Variants in LARP4B observed in about 807,000 individuals in gnomAD.
LARP4B encodes the protein la-related protein 4B.
Under a neutral mutation model 89.8 loss-of-function variants are expected in LARP4B, and 12 were observed. That is an observed-to-expected ratio of 0.13 (90% CI 0.09 to 0.22). LARP4B has a LOEUF of 0.22. Among genes scored for constraint, LARP4B ranks in the 10% least tolerant of loss-of-function variants. The probability of loss-of-function intolerance (pLI) is 1.00; values close to 1 mark genes in which losing one functional copy is unlikely to be tolerated. For synonymous variants in LARP4B, 367 were observed against 363.3 expected, an observed-to-expected ratio of 1.01 and a Z score of -0.12; for missense variants, 757 against 947.7, an observed-to-expected ratio of 0.80 and a Z score of 2.64.
At chr10:918,922 T>A (rs1233308893) in intron 1 of LARP4B, among the ~76,000 whole-genome samples, 1 of 150,234 alleles carries the variant, frequency 6.7e-6, no homozygotes, top group Non-Finnish European at 1.5e-5. Flanking sequence ...TAAAAAAAAA[T>A]ACAAAAAAAT....
intron 1 of LARP4B, among the ~76,000 whole-genome samples, chr10:905,955 G>A (rs1836480411): frequency 6.6e-6 from 1 of 152,234 alleles, no homozygotes; most frequent in Admixed American, 6.5e-5. Flanking sequence ...TCTTGGGAAT[G>A]CTCTTCTGCA....
chr10:935,408 A>G (rs1217972845), upstream of LARP4B, among the ~76,000 whole-genome samples: 1 of 152,044 alleles, frequency 6.6e-6, no homozygotes. Context: ...CTTCTGGCGG[A>G]ATCTCGCTTA....
intron 8 of LARP4B, among the ~76,000 whole-genome samples, chr10:834,805 T>C (rs895529553): frequency 1.3e-5 from 2 of 152,164 alleles, no homozygotes; most frequent in Non-Finnish European, 2.9e-5. Context: ...AGGATCTATG[T>C]TTTAAATATT....
At chr10:967,087 G>A in the LARP4B span, among the ~76,000 whole-genome samples, 1 of 152,200 alleles carries the variant, frequency 6.6e-6, no homozygotes, top group Non-Finnish European at 1.5e-5. Flanking sequence ...CGGGATCACG[G>A]AACAATGTGG....
chr10:986,872 G>C, the LARP4B span: 1 of 151,846 alleles, frequency 6.6e-6, no homozygotes, highest in African/African-American at 2.4e-5. Context: ...CCCTGGAGGC[G>C]GAGGTTGCAG....
At chr10:862,119 G>A (rs190878582) in intron 5 of LARP4B, among the ~76,000 whole-genome samples, 89 of 152,054 alleles carry the variant, frequency 5.9e-4, no homozygotes, top group South Asian at 1.2e-3. Context: ...TCATGTAGAC[G>A]GGAAATTCAC....
At chr10:829,616 TCTATTAGAA>T in intron 10 of LARP4B, 22 bp from the exon 11 acceptor site, 1 of 1,612,100 alleles carries the variant, frequency 6.2e-7, no homozygotes, top group Non-Finnish European at 8.5e-7. Flanking sequence ...TATGTAAGTT[TCTATTAGAA>T]TACTTAAGAA....
At chr10:876,987 C>A (rs1375921134) in intron 3 of LARP4B, among the ~76,000 whole-genome samples, 1 of 152,154 alleles carries the variant, frequency 6.6e-6, no homozygotes, top group Non-Finnish European at 1.5e-5. Context: ...CTCAAGCCAC[C>A]ACTGGGCCCA....
At chr10:941,736 TTTTTTTA>T in the LARP4B span, among the ~76,000 whole-genome samples, 15 of 152,250 alleles carry the variant, frequency 9.9e-5, no homozygotes, top group African/African-American at 2.6e-4. Context: ...ATTTCAGTTA[TTTTTTTA>T]TTTTTTATTT....
At chr10:966,056 T>TTGTGTGTGTG in the LARP4B span, among the ~76,000 whole-genome samples, 317 of 128,304 alleles carry the variant, frequency 2.5e-3, 1 homozygote, top group African/African-American at 4.7e-3. Context: ...TGTGTGGGTT[T>TTGTGTGTGTG]TGTGTGTGTG....
At chr10:924,430 G>A (rs377572748) in intron 1 of LARP4B, 6 of 152,056 alleles carry the variant, frequency 3.9e-5, no homozygotes, top group East Asian at 1.9e-4. Flanking sequence ...GCTTCCACAC[G>A]ACTCTGCAAA....
chr10:945,840 G>A, the LARP4B span, among the ~76,000 whole-genome samples: 2 of 152,188 alleles, frequency 1.3e-5, no homozygotes, highest in Non-Finnish European at 2.9e-5. Flanking sequence ...TAAGGGTGGG[G>A]CCCTGATCCA....
intron 1 of LARP4B, among the ~76,000 whole-genome samples, chr10:898,150 A>C (rs11253499): frequency 0.15 from 23,393 of 152,180 alleles, 1,957 homozygotes; most frequent in Non-Finnish European, 0.19. Flanking sequence ...AAATGAAATT[A>C]AATAAAATGA....
chr10:819,783 G>C (rs148893765), intron 14 of LARP4B: 1 of 152,334 alleles, frequency 6.6e-6, no homozygotes, highest in East Asian at 1.9e-4. Flanking sequence ...AGACTAAGCC[G>C]ACCTCATGAA....
At chr10:957,391 C>T in the LARP4B span, among the ~76,000 whole-genome samples, 1 of 152,096 alleles carries the variant, frequency 6.6e-6, no homozygotes, top group African/African-American at 2.4e-5. Context: ...GTCTCAAACT[C>T]CTGACCTCAA....
chr10:879,549 G>A (rs1325142313), intron 3 of LARP4B, among the ~76,000 whole-genome samples: 1 of 152,188 alleles, frequency 6.6e-6, no homozygotes, highest in Non-Finnish European at 1.5e-5. Context: ...CCAGGCTGGA[G>A]TGCAGTGGTG....
At chr10:902,801 C>CA (rs1836380747) in intron 1 of LARP4B, among the ~76,000 whole-genome samples, 1 of 152,110 alleles carries the variant, frequency 6.6e-6, no homozygotes, top group Non-Finnish European at 1.5e-5. Context: ...TGCACCACCA[C>CA]ACTCAGCTAG....
chr10:827,737 C>T (rs1236823340), intron 11 of LARP4B, among the ~76,000 whole-genome samples: 1 of 152,126 alleles, frequency 6.6e-6, no homozygotes, highest in Non-Finnish European at 1.5e-5. Flanking sequence ...GCAGGAAGAA[C>T]TGAAAGGACT....
chr10:955,773 A>G, the LARP4B span, among the ~76,000 whole-genome samples: 177 of 152,302 alleles, frequency 1.2e-3, no homozygotes, highest in Non-Finnish European at 1.9e-3. This position sits in a 1 kb window ranked among gnomAD's most constrained non-coding sequence, Gnocchi z 5.2. Flanking sequence ...ATTCACTGGA[A>G]TAACTTGAAA....
Sources: gnomAD v4.1 joint callset for allele counts (sites outside exome capture counted in the v4.1 genomes callset) on GRCh38, gnomAD v4.1.1 for gene constraint, Gnocchi (gnomAD v3.1) non-coding constraint, MANE v1.5 for transcripts, NCBI Gene and HGNC (gene_info 2026-07-23, HGNC 2026-07-21) for gene names.